The following TMED3 variants were observed in gnomAD, a reference collection of about 807,000 sequenced individuals.
TMED3 encodes the protein transmembrane p24 trafficking protein 3.
Under a neutral mutation model 15.0 loss-of-function variants are expected in TMED3, and 9 were observed. The ratio of observed to expected loss-of-function variants is 0.60; its 90% CI spans 0.36 to 1.04. TMED3 has a LOEUF of 1.04. Among genes scored for constraint, TMED3 ranks in the 50% least tolerant of loss-of-function variants. TMED3 has a pLI of 0.01. For synonymous variants in TMED3, 117 were observed against 121.4 expected, an observed-to-expected ratio of 0.96 and a Z score of 0.24; for missense variants, 267 against 278.9, an observed-to-expected ratio of 0.96 and a Z score of 0.30.
intron 2 of TMED3, among the ~76,000 whole-genome samples, chr15:79,390,477 T>A (rs1893681658): frequency 6.6e-6 from 1 of 152,298 alleles, no homozygotes; most frequent in African/African-American, 2.4e-5. Context: ...TGATATGTTG[T>A]TGGATTCGTT....
At chr15:79,335,620 G>A (rs557463927) in intron 2 of TMED3, among the ~76,000 whole-genome samples, 2 of 152,238 alleles carry the variant, frequency 1.3e-5, no homozygotes, top group African/African-American at 4.8e-5. Flanking sequence ...AAGGAAAGGG[G>A]CCATCACAAA....
At chr15:79,412,218 C>T (rs896400368) in exon 3 of TMED3, 2 of 152,338 alleles carry the variant, frequency 1.3e-5, no homozygotes, top group African/African-American at 2.4e-5. Flanking sequence ...GCCATCCCCC[C>T]CAATCACTGC....
At chr15:79,334,695 G>A (rs1274280220) in intron 2 of TMED3, among the ~76,000 whole-genome samples, 1 of 152,228 alleles carries the variant, frequency 6.6e-6, no homozygotes, top group Admixed American at 6.5e-5. Flanking sequence ...TCACGGCAAA[G>A]TAACAAATAG....
intron 2 of TMED3, among the ~76,000 whole-genome samples, chr15:79,360,068 A>G (rs1427735501): frequency 2.0e-5 from 3 of 152,204 alleles, no homozygotes; most frequent in Non-Finnish European, 4.4e-5. Flanking sequence ...TGTTAGTGAG[A>G]CTGCGGGAAG....
At position 79,379,748 on chromosome 15, in the gene TMED3, A is replaced by T. The variant is rs546647037; in HGVS notation, c.418-31652A>T. On this transcript the variant is annotated intron_variant, in intron 2 of 2. Coordinates refer to the TMED3 transcript ENST00000424155. ...TAATCACATTAGATATACTGATCAA[A>T]CTTTCCTTATGTATTTAATGAAAGT... Among the ~76,000 whole-genome samples the T allele has an allele frequency of 2.0e-5, 3 of 152,330 alleles. No individual in the cohort carries two copies. In the South Asian group the frequency reaches 6.2e-4, roughly 32 times the overall value.
chr15:79,405,371 C>T (rs1357621235), intron 2 of TMED3, among the ~76,000 whole-genome samples: 6 of 152,178 alleles, frequency 3.9e-5, no homozygotes, highest in Non-Finnish European at 5.9e-5. Flanking sequence ...GTGGTGGGAG[C>T]TCAATATAAA....
intron 2 of TMED3, among the ~76,000 whole-genome samples, chr15:79,358,434 A>G (rs537622972): frequency 6.6e-6 from 1 of 152,334 alleles, no homozygotes; most frequent in East Asian, 1.9e-4. Flanking sequence ...CTGACAGAAG[A>G]AAATTATGTT....
At chr15:79,364,562 C>G (rs922001536) in intron 2 of TMED3, among the ~76,000 whole-genome samples, 51 of 151,844 alleles carry the variant, frequency 3.4e-4, no homozygotes, top group African/African-American at 4.4e-4. Flanking sequence ...GTCTTTTGGC[C>G]TGCCATGCCC....
intron 2 of TMED3, among the ~76,000 whole-genome samples, chr15:79,335,616 AG>A (rs752648580): frequency 9.1e-4 from 138 of 152,336 alleles, no homozygotes; most frequent in Non-Finnish European, 1.5e-3. Flanking sequence ...AGGAAAGGAA[AG>A]GGGCCATCAC....
chr15:79,397,302 G>A (rs1027084949), intron 2 of TMED3, among the ~76,000 whole-genome samples: 1 of 152,226 alleles, frequency 6.6e-6, no homozygotes, highest in Non-Finnish European at 1.5e-5. Context: ...TTTCTTCTGA[G>A]AACCATGCCT....
At chr15:79,353,874 C>T (rs2058908145) in intron 2 of TMED3, among the ~76,000 whole-genome samples, 1 of 152,058 alleles carries the variant, frequency 6.6e-6, no homozygotes, top group Admixed American at 6.6e-5. Context: ...ATGCTTCTTC[C>T]CATTGTGTAG....
chr15:79,358,792 G>A (rs1893066750), intron 2 of TMED3, among the ~76,000 whole-genome samples: 1 of 152,228 alleles, frequency 6.6e-6, no homozygotes, highest in Non-Finnish European at 1.5e-5. Context: ...TCCCTGGGGT[G>A]AAATGGCTGG....
chr15:79,332,051 T>G (rs2058811384), intron 2 of TMED3, among the ~76,000 whole-genome samples: 1 of 131,234 alleles, frequency 7.6e-6, no homozygotes, highest in African/African-American at 2.8e-5. Context: ...AGACCTTGTC[T>G]CAAAAATAAA....
rs201938960 is a variant in TMED3 at position 79,379,831 on chromosome 15, GA to G, written c.418-31564del. Among the ~76,000 whole-genome samples, 1,315 of 152,182 alleles carry G rather than the reference GA, an allele frequency of 8.6e-3. 17 individuals are homozygous for G. Among genetic ancestry groups the G allele is most frequent in the African/African-American group, 0.031 (1,269 of 41,512 alleles). ...AATTTTGTTTTTTCTTAAAAAGAGA[GA>G]AAAATATTAAACATTTTATAAGCTG... On this transcript the variant is annotated intron_variant, in intron 2 of 2. Coordinates refer to the TMED3 transcript ENST00000424155.
chr15:79,387,579 C>G (rs1331006456), intron 2 of TMED3, among the ~76,000 whole-genome samples: 1 of 142,560 alleles, frequency 7.0e-6, no homozygotes, highest in Non-Finnish European at 1.6e-5. Flanking sequence ...TTAAAATACA[C>G]ACACACATGC....
chr15:79,395,333 C>T (rs1368089290), intron 2 of TMED3, among the ~76,000 whole-genome samples: 2 of 152,196 alleles, frequency 1.3e-5, no homozygotes, highest in Non-Finnish European at 2.9e-5. Flanking sequence ...GTGCTCACCA[C>T]CACGCCTGGC....
intron 2 of TMED3, among the ~76,000 whole-genome samples, chr15:79,390,740 G>C (rs1390687984): frequency 6.6e-6 from 1 of 151,546 alleles, no homozygotes; most frequent in Non-Finnish European, 1.5e-5. Context: ...TAATTTTTAA[G>C]TTACCATTTC....
intron 2 of TMED3, among the ~76,000 whole-genome samples, chr15:79,389,104 G>T (rs1893664744): frequency 6.6e-6 from 1 of 151,972 alleles, no homozygotes; most frequent in Non-Finnish European, 1.5e-5. Context: ...TTAAGTCCCA[G>T]CTATTTATCT....
intron 2 of TMED3, among the ~76,000 whole-genome samples, chr15:79,331,394 C>T (rs1348948637): frequency 2.0e-5 from 2 of 101,342 alleles, no homozygotes; most frequent in Non-Finnish European, 2.2e-5. Context: ...TTTCACCCAA[C>T]ACAAAAATCC....
Sources: allele counts gnomAD v4.1 joint callset (sites outside exome capture counted in the v4.1 genomes callset), GRCh38; gene constraint gnomAD v4.1.1; transcripts MANE v1.5; gene names NCBI Gene and HGNC (gene_info 2026-07-23, HGNC 2026-07-21).